Variants in ATRN observed in about 807,000 individuals in gnomAD.
ATRN encodes attractin.
ATRN carries 54 observed loss-of-function variants against 178.7 expected under a neutral mutation model. That is an observed-to-expected ratio of 0.30 (90% confidence interval 0.24 to 0.38). ATRN has a LOEUF of 0.38. ATRN is among the 10% of genes least tolerant of loss of function. The probability of loss-of-function intolerance (pLI) is 1.00; values close to 1 mark genes in which losing one functional copy is unlikely to be tolerated. For synonymous variants in ATRN, 636 were observed against 663.0 expected (o/e 0.96, Z 0.63); for missense variants, 1,443 against 1,815.1 (o/e 0.79, Z 3.73).
At chr20:3,558,702 G>A (rs1687068750) in intron 6 of ATRN, among the ~76,000 whole-genome samples, 1 of 151,550 alleles carries the variant, frequency 6.6e-6, no homozygotes, top group Non-Finnish European at 1.5e-5. Context: ...TTTATTCTTT[G>A]TATTGGTTAC....
chr20:3,489,431 A>G, intron 1 of ATRN: 1 of 741,406 alleles, frequency 1.3e-6, no homozygotes, highest in Middle Eastern at 3.7e-4. Flanking sequence ...GAGACTACGT[A>G]GCAAAGGGTC....
chr20:3,500,726 A>G (rs894034904), intron 1 of ATRN, among the ~76,000 whole-genome samples: 1 of 150,658 alleles, frequency 6.6e-6, no homozygotes, highest in Non-Finnish European at 1.5e-5. Context: ...TGGGAGACAT[A>G]CCTAATGCTA....
At position 3,578,613 on chromosome 20, in the gene ATRN, T is replaced by C; in HGVS notation, c.2385T>C (p.Val795=). 6.2e-7 allele frequency: 1 copy of C among 1,611,466 alleles called. No individual in the cohort carries two copies. Among genetic ancestry groups the C allele is most frequent in the Non-Finnish European group, 8.5e-7 (1 of 1,178,630 alleles). ...ENICGIGWHL[V]GNSCLKITTA... ...TCTGTGGCATTGGCTGGCATTTGGT[T>C]GGAAACTCATGTTTGAAAATTACTA... The change falls in exon 15 of 29, where the codon GTT becomes GTC. Residue 795 remains valine, a synonymous_variant. Transcript: ENST00000262919.
intron 6 of ATRN, among the ~76,000 whole-genome samples, chr20:3,550,340 T>C (rs922775559): frequency 1.3e-5 from 2 of 152,184 alleles, no homozygotes; most frequent in South Asian, 2.1e-4. Flanking sequence ...TATGTATCTG[T>C]TTTTGTACTA....
intron 1 of ATRN, among the ~76,000 whole-genome samples, chr20:3,503,254 A>C (rs1011510262): frequency 6.6e-6 from 1 of 152,246 alleles, no homozygotes; most frequent in East Asian, 1.9e-4. Flanking sequence ...CTAACTGTTA[A>C]AAGATTTAAT....
At chr20:3,495,787 C>T (rs115640378) in intron 1 of ATRN, among the ~76,000 whole-genome samples, 1,856 of 151,538 alleles carry the variant, frequency 0.012, 38 homozygotes, top group African/African-American at 0.043. Flanking sequence ...ACAAAACCCA[C>T]TGTAGCAGAA....
chr20:3,535,122 G>T, intron 1 of ATRN, 131 bp from the exon 2 acceptor site: 1 of 276,994 alleles, frequency 3.6e-6, no homozygotes, highest in Non-Finnish European at 6.4e-6. Context: ...GTTTGTTAAT[G>T]TACCCATTAT....
At chr20:3,500,930 C>T (rs934093981) in intron 1 of ATRN, among the ~76,000 whole-genome samples, 10 of 151,466 alleles carry the variant, frequency 6.6e-5, no homozygotes, top group Non-Finnish European at 1.2e-4. Flanking sequence ...TATAACTAAA[C>T]GTATATTTAC....
Position 3,632,999 on chromosome 20 carries a change from G to A in ATRN, c.3864-1312G>A, listed in dbSNP as rs548626968. On this transcript the variant is annotated intron_variant, in intron 25 of 28. Transcript: ENST00000262919. This position sits in a 1 kb window ranked among gnomAD's most constrained non-coding sequence, Gnocchi z 4.2. The stretch of plus-strand genomic sequence containing the variant: ...ACAAAAATTAGCTGGGTGTGATGGC[G>A]CACACCTGTAGTCCAAGCTACTCAG... Among the ~76,000 whole-genome samples, 10 of 152,252 alleles carry A rather than the reference G, an allele frequency of 6.6e-5. No individual in the cohort carries two copies. Among genetic ancestry groups the A allele is most frequent in the South Asian group, 4.1e-4 (2 of 4,828 alleles).
At chr20:3,517,244 G>A (rs1029359269) in intron 1 of ATRN, among the ~76,000 whole-genome samples, 9 of 151,990 alleles carry the variant, frequency 5.9e-5, no homozygotes, top group African/African-American at 1.9e-4. Flanking sequence ...CACGAGAAAA[G>A]GCTAATTATT....
At chr20:3,536,964 T>G (rs2085542082) in intron 2 of ATRN, among the ~76,000 whole-genome samples, 1 of 152,230 alleles carries the variant, frequency 6.6e-6, no homozygotes, top group Middle Eastern at 3.2e-3. Context: ...CTTTTGGTAC[T>G]TGTTAAATTA....
chr20:3,575,686 G>T, intron 12 of ATRN, 141 bp from the exon 13 acceptor site: 1 of 931,282 alleles, frequency 1.1e-6, no homozygotes, highest in Non-Finnish European at 1.6e-6. Context: ...ATTTTAACCA[G>T]AACATACCAA....
At chr20:3,639,631 T>C (rs541609490) in intron 27 of ATRN, among the ~76,000 whole-genome samples, 29 of 152,254 alleles carry the variant, frequency 1.9e-4, no homozygotes, top group Admixed American at 7.2e-4. Context: ...GTGGAAAATA[T>C]TTATCACCCC....
intron 5 of ATRN, among the ~76,000 whole-genome samples, chr20:3,547,974 G>A (rs1050848941): frequency 1.3e-5 from 2 of 152,134 alleles, no homozygotes; most frequent in Non-Finnish European, 2.9e-5. Context: ...GATTTTTCTT[G>A]TAAACTTACC....
intron 25 of ATRN, among the ~76,000 whole-genome samples, chr20:3,630,419 T>TA (rs1308921889): frequency 2.0e-5 from 3 of 152,160 alleles, no homozygotes; most frequent in African/African-American, 7.2e-5. Context: ...GAAGTAAACT[T>TA]AGACTCTTCA....
chr20:3,534,927 C>T (rs1038903398), intron 1 of ATRN, among the ~76,000 whole-genome samples: 9 of 152,076 alleles, frequency 5.9e-5, no homozygotes, highest in African/African-American at 1.7e-4. Flanking sequence ...GGCAACATAG[C>T]GAGACCTGTC....
chr20:3,475,031 CA>C (rs1189030441), intron 1 of ATRN, among the ~76,000 whole-genome samples: 1,171 of 55,820 alleles, frequency 0.021, 3 homozygotes, highest in African/African-American at 0.055. Flanking sequence ...GACTCCATCT[CA>C]AAAAAAAAAA....
intron 22 of ATRN, 136 bp from the exon 23 acceptor site, chr20:3,600,810 C>A: frequency 1.2e-6 from 1 of 827,452 alleles, no homozygotes; most frequent in Non-Finnish European, 1.8e-6. Context: ...ATTTTGCTAA[C>A]TCTTCTGTGA....
chr20:3,590,726 T>C (rs1418552603), intron 18 of ATRN, among the ~76,000 whole-genome samples: 1 of 152,190 alleles, frequency 6.6e-6, no homozygotes, highest in African/African-American at 2.4e-5. Flanking sequence ...AAAATAGTTG[T>C]GATCTAAGTT....
Sources: allele counts gnomAD v4.1 joint callset (sites outside exome capture counted in the v4.1 genomes callset), GRCh38; gene constraint gnomAD v4.1.1; non-coding constraint Gnocchi (gnomAD v3.1); transcripts MANE v1.5; gene names NCBI Gene and HGNC (gene_info 2026-07-23, HGNC 2026-07-21).